The following PLEKHH2 variants were observed in gnomAD, a reference collection of about 807,000 sequenced individuals.
PLEKHH2 encodes the protein pleckstrin homology domain-containing family H member 2.
PLEKHH2 carries 129 observed loss-of-function variants against 187.9 expected under a neutral mutation model. That is an observed-to-expected ratio of 0.69 (90% CI 0.59 to 0.79). PLEKHH2 has a LOEUF of 0.79. PLEKHH2 is among the 30% of genes least tolerant of loss of function. The pLI, the probability that PLEKHH2 is intolerant of heterozygous loss-of-function variation, is 0.00. For missense variants in PLEKHH2, 2,076 were observed against 1,751.2 expected (o/e 1.19, Z -3.31); for synonymous variants, 686 against 605.6 (o/e 1.13, Z -1.95).
intron 16 of PLEKHH2, 90 bp from the exon 17 acceptor site, chr2:43,726,182 A>C (rs1670734901): frequency 1.1e-6 from 1 of 903,660 alleles, no homozygotes; most frequent in African/African-American, 1.7e-5. Flanking sequence ...GGTATGCTTT[A>C]TAAATTTAAA....
At chr2:43,729,828 A>C (rs1374681167) in intron 18 of PLEKHH2, 83 bp downstream of exon 18, 1 of 872,848 alleles carries the variant, frequency 1.1e-6, no homozygotes, top group African/African-American at 1.7e-5. Context: ...TTTTCACTTA[A>C]TGGGTTCCTG....
chr2:43,761,852 G>A (rs981418607), intron 27 of PLEKHH2, among the ~76,000 whole-genome samples: 9 of 152,108 alleles, frequency 5.9e-5, no homozygotes, highest in Non-Finnish European at 1.3e-4. Context: ...CAGGAAAGGT[G>A]TGCAATTATA....
intron 28 of PLEKHH2, among the ~76,000 whole-genome samples, chr2:43,763,166 A>G (rs1218209193): frequency 1.3e-5 from 2 of 152,196 alleles, no homozygotes; most frequent in Non-Finnish European, 2.9e-5. Context: ...TAACTTGAAG[A>G]TATTATAAAA....
intron 2 of PLEKHH2, among the ~76,000 whole-genome samples, chr2:43,670,425 T>C (rs901267834): frequency 6.6e-6 from 1 of 152,182 alleles, no homozygotes; most frequent in African/African-American, 2.4e-5. Flanking sequence ...TTGTAGTATG[T>C]GATGGCTATA....
chr2:43,764,802 C>T (rs1279598279), intron 29 of PLEKHH2, among the ~76,000 whole-genome samples: 1 of 152,190 alleles, frequency 6.6e-6, no homozygotes, highest in Admixed American at 6.5e-5. Flanking sequence ...AACATACTTG[C>T]TCCTTTACGA....
At chr2:43,751,223 G>A (rs757305771) in intron 24 of PLEKHH2, among the ~76,000 whole-genome samples, 4 of 152,220 alleles carry the variant, frequency 2.6e-5, no homozygotes, top group Non-Finnish European at 5.9e-5. Flanking sequence ...CGTACAAGAG[G>A]TTGTAGGGAC....
At chr2:43,670,434 T>C (rs1283090133) in intron 2 of PLEKHH2, among the ~76,000 whole-genome samples, 1 of 152,186 alleles carries the variant, frequency 6.6e-6, no homozygotes, top group East Asian at 1.9e-4. Context: ...GTGATGGCTA[T>C]AGGATCTGAC....
chr2:43,755,351 A>C (rs1172060685), intron 25 of PLEKHH2, among the ~76,000 whole-genome samples: 1 of 151,616 alleles, frequency 6.6e-6, no homozygotes, highest in Non-Finnish European at 1.5e-5. Context: ...GCGAATGTGA[A>C]CTCTTAGGGA....
rs748777601 is a variant in PLEKHH2 at position 43,741,013 on chromosome 2, G to C, written c.3191G>C (p.Arg1064Thr). 6.2e-7 allele frequency: 1 copy of C among 1,613,878 alleles called. No individual in the cohort carries two copies. The highest frequency in any genetic ancestry group is 2.2e-5 in the East Asian group (1 of 44,862). The change falls in exon 21 of 30, where the codon AGG (arginine) becomes ACG (threonine). Residue 1064 changes from arginine (R) to threonine (T), a missense_variant. Transcript: ENST00000282406. ...CATCATCCTTTCCTGTGGCTCCTCAGGCTTCACCTAAAGAGGAATGCAGAT... is the reference window on the plus strand; with the variant it reads ...CATCATCCTTTCCTGTGGCTCCTCACGCTTCACCTAAAGAGGAATGCAGAT... ...LPHHPFLWLL[R>T]LHLKRNADSR...
At position 43,692,531 on chromosome 2, in the gene PLEKHH2, T is replaced by A; in HGVS notation, c.204T>A (p.Asp68Glu). The stretch of plus-strand genomic sequence containing the variant: ...GAATTTAGGTACAAGTTATGGAAGA[T>A]AAATTAAAAGCAGCTAATATTCAAA... ...KAFQQVQVME[D>E]KLKAANIQTS... is the part of the protein sequence containing the mutation. Residue 68 changes from aspartate to glutamate, a missense_variant, in exon 4 of 30, where the codon GAT (aspartate) becomes GAA (glutamate). Coordinates refer to ENST00000282406, the MANE Select transcript of PLEKHH2 (RefSeq NM_172069.4). 1 of 1,577,252 alleles carries A rather than the reference T, an allele frequency of 6.3e-7. No homozygotes were observed. The highest frequency in any genetic ancestry group is 8.7e-7 in the Non-Finnish European group (1 of 1,151,462).
At chr2:43,653,151 A>G (rs891931474) in intron 2 of PLEKHH2, among the ~76,000 whole-genome samples, 2 of 152,218 alleles carry the variant, frequency 1.3e-5, no homozygotes, top group Non-Finnish European at 2.9e-5. Flanking sequence ...AAAGTTTCCT[A>G]GAATTGAAGC....
intron 3 of PLEKHH2, among the ~76,000 whole-genome samples, chr2:43,688,603 T>G (rs1668640797): frequency 6.6e-6 from 1 of 152,206 alleles, no homozygotes; most frequent in African/African-American, 2.4e-5. Context: ...GAAGCTGTAT[T>G]GGGATCCCCA....
chr2:43,710,440 A>G (rs781548637), intron 13 of PLEKHH2, 49 bp from the exon 14 acceptor site: 5 of 1,585,828 alleles, frequency 3.2e-6, no homozygotes, highest in Non-Finnish European at 4.3e-6. Context: ...ATTCCTTATT[A>G]TTACTGTTAA....
intron 8 of PLEKHH2, among the ~76,000 whole-genome samples, chr2:43,701,084 A>G (rs1324761692): frequency 6.6e-6 from 1 of 152,198 alleles, no homozygotes; most frequent in Non-Finnish European, 1.5e-5. Flanking sequence ...AGATCAAGGT[A>G]TTACCTTATT....
Position 43,740,977 on chromosome 2 carries a change from T to A in PLEKHH2, c.3155T>A (p.Leu1052His), listed in dbSNP as rs753008063. 7 of 1,613,964 alleles carry A rather than the reference T, an allele frequency of 4.3e-6. No homozygotes were observed. The Admixed American group carries it at 1.2e-4, about 27-fold the overall frequency. ...CAGCTCTTGGCACTCTGCGTTGGGC[T>A]CTTCCTTCCCCATCATCCTTTCCTG... The part of the protein sequence containing the change: ...GWQLLALCVG[L>H]FLPHHPFLWL... The change falls in exon 21 of 30, where the codon CTC (leucine) becomes CAC (histidine). Residue 1052 changes from leucine to histidine, a missense_variant. By Grantham distance (99) the Leu-to-His change is moderately conservative. Transcript: ENST00000282406.
At chr2:43,646,797 C>CT (rs1558409167) in intron 2 of PLEKHH2, among the ~76,000 whole-genome samples, 1 of 145,976 alleles carries the variant, frequency 6.9e-6, no homozygotes, top group African/African-American at 2.5e-5. Context: ...GTTGTGGTTT[C>CT]TTTTTCTTTA....
intron 2 of PLEKHH2, among the ~76,000 whole-genome samples, chr2:43,656,681 C>T (rs1666784266): frequency 6.6e-6 from 1 of 152,220 alleles, no homozygotes; most frequent in Non-Finnish European, 1.5e-5. Flanking sequence ...TTAAAAACAT[C>T]GTGTTGTGCA....
intron 24 of PLEKHH2, among the ~76,000 whole-genome samples, chr2:43,746,690 C>T (rs4953008): frequency 0.013 from 2,048 of 152,276 alleles, 97 homozygotes; most frequent in East Asian, 0.079. Context: ...CAATACCCTA[C>T]TACAGATCTG....
At chr2:43,724,276 G>C (rs1320294678) in intron 16 of PLEKHH2, among the ~76,000 whole-genome samples, 2 of 152,210 alleles carry the variant, frequency 1.3e-5, no homozygotes, top group Non-Finnish European at 2.9e-5. Context: ...CACCCAGAGA[G>C]TGAGCATAGA....
Sources: gnomAD v4.1 joint callset for allele counts (sites outside exome capture counted in the v4.1 genomes callset) on GRCh38, gnomAD v4.1.1 for gene constraint, MANE v1.5 for transcripts, NCBI Gene and HGNC (gene_info 2026-07-23, HGNC 2026-07-21) for gene names.